Variants in RCC1 observed in about 807,000 individuals in gnomAD.
RCC1 encodes the protein regulator of chromosome condensation.
RCC1 carries 11 observed loss-of-function variants against 44.4 expected under a neutral mutation model. The observed-to-expected ratio is 0.25, with a 90% CI of 0.16 to 0.41. The LOEUF is 0.41. Ranked by LOEUF, RCC1 falls within the 10% of genes least tolerant of loss-of-function variation. The pLI, the probability that RCC1 is intolerant of heterozygous loss-of-function variation, is 1.00. For missense variants in RCC1, 386 were observed against 547.1 expected (o/e 0.71, Z 2.94); for synonymous variants, 213 against 216.5 (o/e 0.98, Z 0.14).
intron 3 of RCC1, among the ~76,000 whole-genome samples, chr1:28,515,797 A>G (rs1461673988): frequency 2.6e-5 from 4 of 152,206 alleles, no homozygotes; most frequent in African/African-American, 9.6e-5. Context: ...CTGTAATCCC[A>G]GCACTTTGGG....
chr1:28,508,180 GT>G lies in RCC1; in HGVS notation c.-229+26del, dbSNP rs1220023875. The G allele has an allele frequency of 6.8e-6, 3 of 440,826 alleles. No individual in the cohort carries two copies. Among genetic ancestry groups the G allele is most frequent in the Non-Finnish European group, 9.2e-6 (2 of 216,350 alleles). The allele number at this position is 440,826 out of a possible 1,614,324, so 27.3% of individuals were successfully genotyped here. On this transcript the variant is annotated intron_variant, in intron 2 of 12. Coordinates refer to ENST00000683442, the MANE Select transcript of RCC1 (RefSeq NM_001381865.2). The stretch of plus-strand genomic sequence containing the variant: ...TATTTGGTGAGTAAATCTGCTAATT[GT>G]TTTTTGCTTATCAGCTCTTTGTCAA...
intron 3 of RCC1, among the ~76,000 whole-genome samples, chr1:28,512,078 G>A (rs537816868): frequency 3.4e-4 from 48 of 142,662 alleles, no homozygotes; most frequent in Non-Finnish European, 5.2e-4. Flanking sequence ...GGGTTCAAGC[G>A]ATTCTCCTGC....
rs146040588 is a variant in RCC1, at chr1:28,511,854, G to A, written c.-153+2949G>A. 4.2e-3 allele frequency among the ~76,000 whole-genome samples: 632 copies of A among 151,626 alleles called. 5 individuals are homozygous for A. The highest frequency in any genetic ancestry group is 0.014 in the African/African-American group (598 of 41,276). ...TTTTTTTGCATTTTTTAGTAGAGACGGGTTTCACCATGTTAGCCAGGCTGG... is the reference window on the plus strand; with the variant it reads ...TTTTTTTGCATTTTTTAGTAGAGACAGGTTTCACCATGTTAGCCAGGCTGG... On this transcript the variant is annotated intron_variant, in intron 3 of 12. Coordinates refer to ENST00000683442, the MANE Select transcript of RCC1 (RefSeq NM_001381865.2).
intron 12 of RCC1, among the ~76,000 whole-genome samples, chr1:28,537,402 G>T (rs1367680120): frequency 6.6e-6 from 1 of 152,206 alleles, no homozygotes; most frequent in Non-Finnish European, 1.5e-5. Context: ...TCCTGTAGAA[G>T]CCTGGAGCTG....
intron 3 of RCC1, among the ~76,000 whole-genome samples, chr1:28,512,405 T>C (rs1352540161): frequency 1.3e-5 from 2 of 152,180 alleles, no homozygotes; most frequent in Non-Finnish European, 2.9e-5. Flanking sequence ...TGGAGGATCC[T>C]CAAGAGACTG....
intron 5 of RCC1, among the ~76,000 whole-genome samples, chr1:28,531,299 C>G (rs1349410199): frequency 1.5e-5 from 2 of 132,274 alleles, no homozygotes; most frequent in Non-Finnish European, 3.1e-5. Flanking sequence ...AAGTATCACT[C>G]TGTCGCCCAG....
intron 4 of RCC1, among the ~76,000 whole-genome samples, chr1:28,528,727 G>A (rs1003890163): frequency 2.7e-5 from 4 of 150,032 alleles, no homozygotes; most frequent in Non-Finnish European, 5.9e-5. Flanking sequence ...ACCATTTTCC[G>A]AGGTTACCAT....
At chr1:28,534,724 G>A (rs549386530) in intron 7 of RCC1, among the ~76,000 whole-genome samples, 1 of 152,162 alleles carries the variant, frequency 6.6e-6, no homozygotes, top group South Asian at 2.1e-4. Context: ...CTGCCCACCT[G>A]GGCCTACCAA....
chr1:28,528,022 A>C (rs1038419799), intron 4 of RCC1, among the ~76,000 whole-genome samples: 31 of 151,090 alleles, frequency 2.1e-4, no homozygotes, highest in African/African-American at 4.6e-4. Context: ...AAAAAAAAAA[A>C]AAAAAACATG....
intron 4 of RCC1, chr1:28,526,593 A>C: frequency 1.8e-6 from 1 of 550,748 alleles, no homozygotes; most frequent in South Asian, 2.2e-5. Context: ...AGGACACACA[A>C]AGGTGAAATC....
intron 3 of RCC1, chr1:28,509,883 G>A (rs1662373357): frequency 6.6e-6 from 1 of 152,196 alleles, no homozygotes; most frequent in African/African-American, 2.4e-5. Flanking sequence ...GCTTCCTGCA[G>A]TGTAGTGGAG....
intron 4 of RCC1, among the ~76,000 whole-genome samples, chr1:28,525,902 G>A (rs985251717): frequency 1.3e-5 from 2 of 152,194 alleles, no homozygotes; most frequent in Non-Finnish European, 1.5e-5. Context: ...CCAGAGCTGA[G>A]ACCGAGAAGG....
chr1:28,529,908 A>G lies in RCC1; in HGVS notation c.42A>G (p.Ala14=). 1 of 1,614,100 alleles carries G rather than the reference A, an allele frequency of 6.2e-7. No individual in the cohort carries two copies. The highest frequency in any genetic ancestry group is 8.5e-7 in the Non-Finnish European group (1 of 1,180,002). The change falls in exon 5 of 13, where the codon GCA becomes GCG. Residue 14 remains alanine (A), a synonymous_variant. Transcript: ENST00000683442. The part of the protein sequence containing the change: ...KRIAKRRSPP[A]DAIPKSKKVK... ...TAGCTAAAAGAAGGTCCCCCCCAGC[A>G]GATGCCATCCCCAAAAGCAAGAAGG...
chr1:28,534,817 A>G (rs946911613), intron 7 of RCC1, among the ~76,000 whole-genome samples: 2 of 152,236 alleles, frequency 1.3e-5, no homozygotes, highest in African/African-American at 4.8e-5. Flanking sequence ...CACAGTTTCA[A>G]TGATTATCAG....
chr1:28,506,060 T>C lies in RCC1; in HGVS notation c.-286T>C, dbSNP rs565751838. ...TTCTCTCTCCTTTTTGGAGACAGAT[T>C]CGCAGTGGTCGCTTCTTCTCCTTGG... On this transcript the variant is annotated 5_prime_UTR_variant, in exon 1 of 13. Transcript: ENST00000683442. 1.0e-4 allele frequency: 46 copies of C among 455,990 alleles called. No homozygotes were observed. Among genetic ancestry groups the C allele is most frequent in the Non-Finnish European group, 1.5e-4 (34 of 226,808 alleles). 28.2% of individuals were successfully genotyped at this position (455,990 alleles called of 1,614,324 possible). A position where few individuals can be genotyped will look rare whatever the true frequency, so the allele number is the denominator to read the frequency against.
intron 3 of RCC1, among the ~76,000 whole-genome samples, chr1:28,516,466 C>T (rs1425070509): frequency 6.7e-6 from 1 of 149,916 alleles, no homozygotes; most frequent in East Asian, 2.0e-4. Flanking sequence ...CGCACCACTG[C>T]ACTCCAGCCT....
In RCC1 at chr1:28,532,065, G is replaced by GC; in HGVS notation, c.261+76dup. ...GCTTGGGGCAGGGCTTTTGAACCAC[G>GC]CATGTTCACTGTGGAAATGGAGCTG... On this transcript the variant is annotated intron_variant, in intron 6 of 12. Transcript: ENST00000683442. The GC allele has an allele frequency of 2.6e-6, 4 of 1,559,792 alleles. No homozygotes were observed. The South Asian group carries it at 4.9e-5, about 19-fold the overall frequency.
intron 4 of RCC1, 126 bp from the exon 5 acceptor site, chr1:28,529,732 A>G (rs958128305): frequency 1.4e-6 from 1 of 710,238 alleles, no homozygotes; most frequent in Non-Finnish European, 2.5e-6. Context: ...CTTGGGATAC[A>G]TTTTGAGAAG....
chr1:28,528,859 T>TG (rs1663886903), intron 4 of RCC1, among the ~76,000 whole-genome samples: 1 of 147,310 alleles, frequency 6.8e-6, no homozygotes, highest in African/African-American at 2.5e-5. Flanking sequence ...TTTTTTTTTT[T>TG]TTTTTGGTTG....
Sources: allele counts gnomAD v4.1 joint callset (sites outside exome capture counted in the v4.1 genomes callset), GRCh38; gene constraint gnomAD v4.1.1; transcripts MANE v1.5; gene names NCBI Gene and HGNC (gene_info 2026-07-23, HGNC 2026-07-21).